The following KCNIP4 variants were observed in gnomAD, a reference collection of about 807,000 sequenced individuals.
KCNIP4 encodes potassium voltage-gated channel interacting protein 4.
In KCNIP4, 12 loss-of-function variants were observed where a neutral mutation model predicts 34.0. The ratio of observed to expected loss-of-function variants is 0.35; its 90% confidence interval spans 0.23 to 0.57. The LOEUF (loss-of-function observed/expected upper bound fraction) is 0.57. Among genes scored for constraint, KCNIP4 ranks in the 20% least tolerant of loss-of-function variants. The probability of loss-of-function intolerance (pLI) is 0.83; values close to 1 mark genes in which losing one functional copy is unlikely to be tolerated. For synonymous variants in KCNIP4, 124 were observed against 102.2 expected (o/e 1.21, Z -1.29); for missense variants, 238 against 311.7 (o/e 0.76, Z 1.78).
At chr4:21,861,267 G>T (rs1422144337) in intron 1 of KCNIP4, among the ~76,000 whole-genome samples, 2 of 152,176 alleles carry the variant, frequency 1.3e-5, no homozygotes, top group African/African-American at 4.8e-5. Flanking sequence ...CAAGGGATAT[G>T]AATTTTTTGG....
chr4:20,916,672 T>C (rs1728841754), intron 1 of KCNIP4, among the ~76,000 whole-genome samples: 1 of 151,988 alleles, frequency 6.6e-6, no homozygotes, highest in Non-Finnish European at 1.5e-5. Context: ...TAGTTTAAAA[T>C]TGCAAAAATC....
rs181031954 is a variant in KCNIP4, at chr4:21,241,269, A to T, written c.62-358560T>A. Among the ~76,000 whole-genome samples, 402 of 152,364 alleles carry T rather than the reference A, an allele frequency of 2.6e-3. 2 individuals are homozygous for T. Among genetic ancestry groups the T allele is most frequent in the African/African-American group, 9.0e-3 (375 of 41,596 alleles). Reference sequence around the variant, plus strand: ...TTAATAGTGGTCAATTGGGTAACTTACAAAGCAACAATAACCTTTTTGAGG... The same window carrying T: ...TTAATAGTGGTCAATTGGGTAACTTTCAAAGCAACAATAACCTTTTTGAGG... On this transcript the variant is annotated intron_variant, in intron 1 of 8. Transcript: ENST00000382152.
chr4:21,775,511 CG>C (rs1314203972), intron 1 of KCNIP4, among the ~76,000 whole-genome samples: 3 of 152,144 alleles, frequency 2.0e-5, no homozygotes, highest in Non-Finnish European at 2.9e-5. Flanking sequence ...TGCTTTTCTT[CG>C]GGGGAAACCC....
chr4:21,116,701 CCAG>C (rs1749707634), intron 1 of KCNIP4, among the ~76,000 whole-genome samples: 1 of 152,174 alleles, frequency 6.6e-6, no homozygotes, highest in South Asian at 2.1e-4. Context: ...GAGTAGACTA[CCAG>C]CAGATTATTT....
chr4:21,567,265 T>C (rs1406175355), intron 1 of KCNIP4, among the ~76,000 whole-genome samples: 1 of 151,658 alleles, frequency 6.6e-6, no homozygotes, highest in Non-Finnish European at 1.5e-5. Flanking sequence ...TGTACATTTG[T>C]GTATATATAC....
chr4:21,243,852 G>A (rs1282258618), intron 1 of KCNIP4, among the ~76,000 whole-genome samples: 2 of 152,090 alleles, frequency 1.3e-5, no homozygotes, highest in Non-Finnish European at 2.9e-5. Flanking sequence ...TAGAGGCCTC[G>A]GTGTTTGGAG....
intron 1 of KCNIP4, among the ~76,000 whole-genome samples, chr4:21,194,978 T>C (rs1755951657): frequency 6.6e-6 from 1 of 152,218 alleles, no homozygotes; most frequent in Admixed American, 6.5e-5. Context: ...ATTCTAATGA[T>C]GTCCTGTGAA....
chr4:21,518,142 C>G (rs908248628), intron 1 of KCNIP4, among the ~76,000 whole-genome samples: 9 of 152,178 alleles, frequency 5.9e-5, no homozygotes, highest in African/African-American at 2.2e-4. Context: ...TGCCTCATCC[C>G]TGAATTTGGA....
Position 21,814,411 on chromosome 4 carries a change from A to T in KCNIP4, c.61+134160T>A, listed in dbSNP as rs531253950. Among the ~76,000 whole-genome samples the T allele has an allele frequency of 2.1e-4, 32 of 152,232 alleles. No homozygotes were observed. The South Asian group carries it at 6.2e-3, about 30-fold the overall frequency. On this transcript the variant is annotated intron_variant, in intron 1 of 8. Coordinates refer to ENST00000382152, the MANE Select transcript of KCNIP4 (RefSeq NM_025221.6). Reference sequence around the variant, plus strand: ...TTCCCATGCTGTTCTTGTGACAGTGAATAAGTCTCATGAGATCTCATGGTT... The same window carrying T: ...TTCCCATGCTGTTCTTGTGACAGTGTATAAGTCTCATGAGATCTCATGGTT...
At chr4:21,558,755 C>A (rs1003685813) in intron 1 of KCNIP4, among the ~76,000 whole-genome samples, 2 of 152,114 alleles carry the variant, frequency 1.3e-5, no homozygotes, top group Admixed American at 6.5e-5. Context: ...CATGCCATTA[C>A]AACAGACTAA....
intron 1 of KCNIP4, among the ~76,000 whole-genome samples, chr4:21,008,976 T>G (rs1176111204): frequency 6.6e-6 from 1 of 152,094 alleles, no homozygotes; most frequent in Non-Finnish European, 1.5e-5. Flanking sequence ...ATTTCTTCTG[T>G]CTGCCTTATG....
intron 5 of KCNIP4, among the ~76,000 whole-genome samples, chr4:20,735,933 CA>C (rs1749525972): frequency 6.6e-6 from 1 of 152,186 alleles, no homozygotes; most frequent in African/African-American, 2.4e-5. Flanking sequence ...AGGGGAAATC[CA>C]AAAGTCTTCT....
At chr4:21,369,818 ATTTTT>A (rs5856627) in intron 1 of KCNIP4, among the ~76,000 whole-genome samples, 111,218 of 131,606 alleles carry the variant, frequency 0.85, 47,915 homozygotes, top group Non-Finnish European at 0.89. Context: ...AACCCAAATA[ATTTTT>A]TTTTTTTTTT....
In KCNIP4 at chr4:21,033,011, C is replaced by T. The variant is rs140006195; in HGVS notation, c.62-150302G>A. 3.5e-3 allele frequency among the ~76,000 whole-genome samples: 532 copies of T among 152,172 alleles called. 4 individuals carry two copies. The highest frequency in any genetic ancestry group is 5.9e-3 in the Non-Finnish European group (403 of 67,996). On this transcript the variant is annotated intron_variant, in intron 1 of 8. Coordinates refer to ENST00000382152, the MANE Select transcript of KCNIP4 (RefSeq NM_025221.6). The stretch of plus-strand genomic sequence containing the variant: ...CTCTCTCCTCTTTGAACTGGAAAAA[C>T]TCAGGTTTACTTTTTTAGATATTAG...
chr4:21,205,070 C>T (rs901137420), intron 1 of KCNIP4, among the ~76,000 whole-genome samples: 3 of 152,100 alleles, frequency 2.0e-5, no homozygotes, highest in Non-Finnish European at 2.9e-5. Flanking sequence ...GAAGTTTCAA[C>T]GAAAAGCTGG....
At chr4:21,288,474 A>G (rs1763248335) in intron 1 of KCNIP4, among the ~76,000 whole-genome samples, 1 of 152,250 alleles carries the variant, frequency 6.6e-6, no homozygotes, top group Non-Finnish European at 1.5e-5. Context: ...ATTGACAGTT[A>G]TGAAAAAGAA....
chr4:21,095,307 T>G (rs1358320902), intron 1 of KCNIP4, among the ~76,000 whole-genome samples: 4 of 152,224 alleles, frequency 2.6e-5, no homozygotes, highest in East Asian at 3.9e-4. Flanking sequence ...TCAGAGAAGC[T>G]TCATTCCACT....
At chr4:21,715,262 C>G (rs1307532147) in intron 1 of KCNIP4, among the ~76,000 whole-genome samples, 1 of 150,974 alleles carries the variant, frequency 6.6e-6, no homozygotes, top group Non-Finnish European at 1.5e-5. Flanking sequence ...CTCCCAAGTA[C>G]CTGGGACTAC....
intron 1 of KCNIP4, among the ~76,000 whole-genome samples, chr4:21,601,917 C>A (rs553635170): frequency 6.6e-6 from 1 of 152,148 alleles, no homozygotes; most frequent in South Asian, 2.1e-4. Context: ...TAAGTGTCCT[C>A]CCCATATTTC....
Sources: allele counts gnomAD v4.1 joint callset (sites outside exome capture counted in the v4.1 genomes callset), GRCh38; gene constraint gnomAD v4.1.1; transcripts MANE v1.5; gene names NCBI Gene and HGNC (gene_info 2026-07-23, HGNC 2026-07-21).